Variants in TGFB2 observed in about 807,000 individuals in gnomAD.
The protein encoded by TGFB2 is transforming growth factor beta-2 proprotein.
TGFB2 carries 13 observed loss-of-function variants against 42.7 expected under a neutral mutation model. The ratio of observed to expected loss-of-function variants is 0.30; its 90% confidence interval spans 0.20 to 0.48. The LOEUF (loss-of-function observed/expected upper bound fraction) is 0.48, where lower values mean the gene tolerates loss of function less well. Among genes scored for constraint, TGFB2 ranks in the 20% least tolerant of loss-of-function variants. TGFB2 has a pLI of 0.99. For missense variants in TGFB2, 390 were observed against 517.5 expected, an observed-to-expected ratio of 0.75 and a Z score of 2.39; for synonymous variants, 193 against 193.6, an observed-to-expected ratio of 1.00 and a Z score of 0.03.
intron 2 of TGFB2, among the ~76,000 whole-genome samples, chr1:218,422,932 T>G (rs558556252): frequency 6.6e-6 from 1 of 152,174 alleles, no homozygotes; most frequent in Non-Finnish European, 1.5e-5. Flanking sequence ...CGGCAATGAA[T>G]GAATGACTGA....
intron 1 of TGFB2, among the ~76,000 whole-genome samples, chr1:218,394,953 C>A (rs1658449277): frequency 6.6e-6 from 1 of 152,040 alleles, no homozygotes; most frequent in Non-Finnish European, 1.5e-5. Flanking sequence ...TCTTGCCACA[C>A]TCTGGGGAAT....
At chr1:218,406,700 A>G (rs563056375) in intron 2 of TGFB2, among the ~76,000 whole-genome samples, 2 of 152,224 alleles carry the variant, frequency 1.3e-5, no homozygotes, top group African/African-American at 4.8e-5. Flanking sequence ...TCTTGGCAGG[A>G]AGGGCAGGCA....
rs747128130 is a variant in TGFB2, at chr1:218,346,894, C to T, written c.193C>T (p.Pro65Ser). 20 of 1,614,182 alleles carry T rather than the reference C, an allele frequency of 1.2e-5. No homozygotes were observed. Among genetic ancestry groups the T allele is most frequent in the South Asian group, 2.2e-5 (2 of 91,088 alleles). Residue 65 changes from proline to serine, a missense_variant, in exon 1 of 7, where the codon CCG becomes TCG. Physicochemically the swap from Pro to Ser is moderately conservative, Grantham distance 74 (BLOSUM62 -1). Coordinates refer to ENST00000366930, the MANE Select transcript of TGFB2 (RefSeq NM_003238.6). The surrounding 1 kb of genome is among the most constrained non-coding windows in gnomAD (Gnocchi z 4.9). ...EDYPEPEEVP[P>S]EVISIYNSTR... ...CTATCCTGAGCCCGAGGAAGTCCCCCCGGAGGTGATTTCCATCTACAACAG... is the reference window on the plus strand; with the variant it reads ...CTATCCTGAGCCCGAGGAAGTCCCCTCGGAGGTGATTTCCATCTACAACAG...
At chr1:218,365,031 C>T (rs780719751) in intron 1 of TGFB2, among the ~76,000 whole-genome samples, 28 of 152,108 alleles carry the variant, frequency 1.8e-4, no homozygotes, top group Non-Finnish European at 3.7e-4. Context: ...CCCCTATGTC[C>T]CTGGTACTTA....
intron 1 of TGFB2, among the ~76,000 whole-genome samples, chr1:218,384,507 A>G (rs1034340887): frequency 1.3e-5 from 2 of 152,208 alleles, no homozygotes; most frequent in African/African-American, 2.4e-5. Context: ...GTGACCTTAG[A>G]TAAATTATTT....
chr1:218,367,602 G>A (rs990325220), intron 1 of TGFB2, among the ~76,000 whole-genome samples: 4 of 152,154 alleles, frequency 2.6e-5, no homozygotes, highest in African/African-American at 9.7e-5. Flanking sequence ...CCCAGTTCTC[G>A]TATGTGGTCT....
At chr1:218,402,523 G>A (rs1438977749) in intron 1 of TGFB2, among the ~76,000 whole-genome samples, 1 of 151,948 alleles carries the variant, frequency 6.6e-6, no homozygotes, top group Non-Finnish European at 1.5e-5. Context: ...GTGTGGATGG[G>A]CAGAGGACCA....
chr1:218,376,070 T>C (rs2102559470), intron 1 of TGFB2, among the ~76,000 whole-genome samples: 1 of 152,302 alleles, frequency 6.6e-6, no homozygotes, highest in East Asian at 1.9e-4. Context: ...TTGAGCAAGA[T>C]GAATAAGATC....
intron 6 of TGFB2, 56 bp from the exon 7 acceptor site, chr1:218,441,147 AT>A: frequency 6.6e-7 from 1 of 1,524,036 alleles, no homozygotes; most frequent in Non-Finnish European, 8.9e-7. Context: ...TTAAAAACGA[AT>A]TGCGTTCATT....
At chr1:218,358,548 CT>C (rs34141354) in intron 1 of TGFB2, among the ~76,000 whole-genome samples, 1,628 of 133,970 alleles carry the variant, frequency 0.012, 7 homozygotes, top group Admixed American at 0.025. Context: ...ATAGTGAACT[CT>C]TTTTTTTTTT....
chr1:218,399,285 T>A (rs1658633045), intron 1 of TGFB2, among the ~76,000 whole-genome samples: 1 of 152,202 alleles, frequency 6.6e-6, no homozygotes, highest in Admixed American at 6.5e-5. Flanking sequence ...ACAACTGTAG[T>A]ACGTTTTCAA....
chr1:218,427,518 T>C lies in TGFB2; in HGVS notation c.511-6564T>C, dbSNP rs563918325. 4.6e-5 allele frequency among the ~76,000 whole-genome samples: 7 copies of C among 152,262 alleles called. No individual in the cohort carries two copies. In the East Asian group the frequency reaches 1.2e-3, roughly 25 times the overall value. Reference sequence around the variant, plus strand: ...CCTCAGGACAAGCCCCAGTGTGTGATGTTCCCCTTCCTGTGTCCAAGTGTT... The same window carrying C: ...CCTCAGGACAAGCCCCAGTGTGTGACGTTCCCCTTCCTGTGTCCAAGTGTT... On this transcript the variant is annotated intron_variant, in intron 2 of 6. Coordinates refer to ENST00000366930, the MANE Select transcript of TGFB2 (RefSeq NM_003238.6).
chr1:218,411,718 A>G (rs1659103467), intron 2 of TGFB2, among the ~76,000 whole-genome samples: 1 of 151,910 alleles, frequency 6.6e-6, no homozygotes, highest in Admixed American at 6.6e-5. Flanking sequence ...TACAAAAATT[A>G]CCCAGGCACA....
At chr1:218,413,922 C>T (rs920705624) in intron 2 of TGFB2, among the ~76,000 whole-genome samples, 2 of 152,116 alleles carry the variant, frequency 1.3e-5, no homozygotes, top group African/African-American at 4.8e-5. Flanking sequence ...ACTGATTTTT[C>T]AGACTTGAGG....
chr1:218,358,612 G>A lies in TGFB2; in HGVS notation c.346+11565G>A, dbSNP rs1305810140. On this transcript the variant is annotated intron_variant, in intron 1 of 6. Coordinates refer to ENST00000366930, the MANE Select transcript of TGFB2 (RefSeq NM_003238.6). ...CACCTAGGCTGGAGTGCAGTGGTGCGATTTCAGCTCACTGCAAGCTCTGCC... is the reference window on the plus strand; with the variant it reads ...CACCTAGGCTGGAGTGCAGTGGTGCAATTTCAGCTCACTGCAAGCTCTGCC... 4.0e-5 allele frequency among the ~76,000 whole-genome samples: 6 copies of A among 148,732 alleles called. No individual in the cohort carries two copies. In the East Asian group the frequency reaches 7.9e-4, roughly 20 times the overall value.
intron 1 of TGFB2, among the ~76,000 whole-genome samples, chr1:218,352,858 G>T (rs1656912439): frequency 6.6e-6 from 1 of 152,150 alleles, no homozygotes; most frequent in Non-Finnish European, 1.5e-5. Flanking sequence ...CTGAGTTTGT[G>T]GGAGACAGCA....
At chr1:218,426,176 C>G (rs1659618001) in intron 2 of TGFB2, among the ~76,000 whole-genome samples, 1 of 152,144 alleles carries the variant, frequency 6.6e-6, no homozygotes, top group Non-Finnish European at 1.5e-5. Flanking sequence ...CCCATGGTCT[C>G]CTGTGGATCT....
intron 2 of TGFB2, among the ~76,000 whole-genome samples, chr1:218,407,452 A>G (rs914354126): frequency 1.3e-5 from 2 of 152,078 alleles, no homozygotes; most frequent in African/African-American, 4.8e-5. Flanking sequence ...GGCCCTCGAG[A>G]ACCTGTTTTT....
rs187068112 is a variant in TGFB2, at chr1:218,435,878, A to G, written c.755-92A>G. 3,657 of 1,307,012 alleles carry G rather than the reference A, an allele frequency of 2.8e-3. 4 individuals carry two copies. Among genetic ancestry groups the G allele is most frequent in the Non-Finnish European group, 3.6e-3 (3,400 of 948,192 alleles). The allele number at this position is 1,307,012 out of a possible 1,614,324, so 81.0% of individuals were successfully genotyped here. A position where few individuals can be genotyped will look rare whatever the true frequency, so the allele number is the denominator to read the frequency against. On this transcript the variant is annotated intron_variant, in intron 4 of 6. Transcript: ENST00000366930. ...TGCTGCTTTGGTGGTCATCACTGCT[A>G]TTTGTGACAATATACAAAGGAAAAA...
Sources: gnomAD v4.1 joint callset for allele counts (sites outside exome capture counted in the v4.1 genomes callset) on GRCh38, gnomAD v4.1.1 for gene constraint, Gnocchi (gnomAD v3.1) non-coding constraint, MANE v1.5 for transcripts, NCBI Gene and HGNC (gene_info 2026-07-23, HGNC 2026-07-21) for gene names.